Variants in SHROOM3 observed in about 807,000 individuals in gnomAD.
SHROOM3 encodes shroom family member 3.
A neutral mutation model predicts 138.6 loss-of-function variants in SHROOM3; 47 were observed. That is an observed-to-expected ratio of 0.34 (90% CI 0.27 to 0.43). The LOEUF is 0.43. Among genes scored for constraint, SHROOM3 ranks in the 20% least tolerant of loss-of-function variants. The pLI, the probability that SHROOM3 is intolerant of heterozygous loss-of-function variation, is 1.00. For missense variants in SHROOM3, 2,491 were observed against 2,596.5 expected, an observed-to-expected ratio of 0.96 and a Z score of 0.88; for synonymous variants, 1,062 against 1,063.3, an observed-to-expected ratio of 1.00 and a Z score of 0.02.
chr4:76,774,762 G>A (rs548667618), intron 10 of SHROOM3, among the ~76,000 whole-genome samples: 1 of 149,492 alleles, frequency 6.7e-6, no homozygotes, highest in Admixed American at 6.7e-5. Flanking sequence ...TTAGGGAAAG[G>A]AAACTTATGC....
At chr4:76,696,981 A>G (rs1036928827) in intron 2 of SHROOM3, among the ~76,000 whole-genome samples, 1 of 152,056 alleles carries the variant, frequency 6.6e-6, no homozygotes, top group Non-Finnish European at 1.5e-5. Flanking sequence ...CAGTGGTGCA[A>G]TCATATCTCA....
At chr4:76,503,365 A>T (rs185699148) in intron 1 of SHROOM3, among the ~76,000 whole-genome samples, 183 of 152,106 alleles carry the variant, frequency 1.2e-3, no homozygotes, top group African/African-American at 4.2e-3. Context: ...ATTTATTCCT[A>T]TGTGTTCGAT....
chr4:76,608,585 CATA>C (rs1734678315), intron 2 of SHROOM3, among the ~76,000 whole-genome samples: 8 of 100,776 alleles, frequency 7.9e-5, no homozygotes, highest in African/African-American at 2.1e-4. Context: ...CATAGCATAG[CATA>C]GCATAGCATA....
chr4:76,498,281 A>T (rs1732011568), intron 1 of SHROOM3, among the ~76,000 whole-genome samples: 1 of 152,170 alleles, frequency 6.6e-6, no homozygotes, highest in Non-Finnish European at 1.5e-5. Flanking sequence ...AATTGTCATG[A>T]TGTATGCGTA....
In SHROOM3 at chr4:76,567,932, A is replaced by G. The variant is rs11941625; in HGVS notation, c.323+12169A>G. ...AACTAAATTAAAAATCTCCTCAATT[A>G]TCCCCTCTGACTTGCTCCCTCACTT... On this transcript the variant is annotated intron_variant, in intron 2 of 10. Coordinates refer to ENST00000296043, the MANE Select transcript of SHROOM3 (RefSeq NM_020859.4). 1.7e-3 allele frequency among the ~76,000 whole-genome samples: 256 copies of G among 151,972 alleles called. 1 individual carries two copies. The highest frequency in any genetic ancestry group is 5.9e-3 in the African/African-American group (246 of 41,442).
rs114867862 is a variant in SHROOM3 at position 76,534,057 on chromosome 4, C to T, written c.169-21552C>T. Among the ~76,000 whole-genome samples the T allele has an allele frequency of 9.7e-3, 1,470 of 152,174 alleles. 14 individuals are homozygous for T. The highest frequency in any genetic ancestry group is 0.048 in the Middle Eastern group (14 of 294). On this transcript the variant is annotated intron_variant, in intron 1 of 10. Transcript: ENST00000296043. ...GTCTATGGCATGAAATTCAGAGACT[C>T]GGGGGTCCAATAAAGAGATTATGTA...
chr4:76,768,338 G>A (rs777642166), intron 9 of SHROOM3, among the ~76,000 whole-genome samples: 3 of 152,190 alleles, frequency 2.0e-5, no homozygotes, highest in Non-Finnish European at 4.4e-5. Flanking sequence ...CAGGCATTTT[G>A]CTGGAGGTAT....
intron 2 of SHROOM3, among the ~76,000 whole-genome samples, chr4:76,672,195 C>A (rs1490921186): frequency 2.0e-5 from 3 of 152,054 alleles, no homozygotes; most frequent in Non-Finnish European, 2.9e-5. Flanking sequence ...ATTTTCCGTT[C>A]TAATTCTATA....
intron 2 of SHROOM3, among the ~76,000 whole-genome samples, chr4:76,556,153 C>G (rs1183664365): frequency 6.6e-6 from 1 of 152,202 alleles, no homozygotes; most frequent in African/African-American, 2.4e-5. Flanking sequence ...ATTTTGGGAA[C>G]CACACCTGCA....
At chr4:76,522,385 G>T (rs1467517728) in intron 1 of SHROOM3, among the ~76,000 whole-genome samples, 1 of 151,460 alleles carries the variant, frequency 6.6e-6, no homozygotes, top group Non-Finnish European at 1.5e-5. Flanking sequence ...ACATAATAAG[G>T]CATTAAGAGG....
intron 1 of SHROOM3, among the ~76,000 whole-genome samples, chr4:76,521,191 G>A (rs1470060148): frequency 1.3e-5 from 2 of 152,084 alleles, no homozygotes; most frequent in African/African-American, 4.8e-5. Flanking sequence ...AAACACTGAC[G>A]TGATTAAATA....
chr4:76,471,752 T>C (rs532303621), intron 1 of SHROOM3, among the ~76,000 whole-genome samples: 1 of 152,290 alleles, frequency 6.6e-6, no homozygotes, highest in South Asian at 2.1e-4. Flanking sequence ...TTTTGAACAC[T>C]TACTGCTCCC....
chr4:76,449,382 T>C (rs914647053), intron 1 of SHROOM3, among the ~76,000 whole-genome samples: 9 of 152,168 alleles, frequency 5.9e-5, no homozygotes, highest in African/African-American at 2.2e-4. Flanking sequence ...GACAATATAA[T>C]GTGGTAATGG....
intron 2 of SHROOM3, among the ~76,000 whole-genome samples, chr4:76,604,895 A>T (rs1269684740): frequency 1.3e-5 from 2 of 152,220 alleles, no homozygotes; most frequent in Admixed American, 6.5e-5. Context: ...TTATCTATGA[A>T]ACCAAAAATG....
intron 2 of SHROOM3, among the ~76,000 whole-genome samples, chr4:76,624,748 G>T (rs933055110): frequency 6.6e-6 from 1 of 152,180 alleles, no homozygotes; most frequent in Non-Finnish European, 1.5e-5. Context: ...TGTATATGTT[G>T]CATATTCCAG....
intron 2 of SHROOM3, chr4:76,689,620 G>C (rs1475827575): frequency 1.0e-6 from 1 of 985,312 alleles, no homozygotes; most frequent in Non-Finnish European, 1.2e-6. Flanking sequence ...CCGCCTCCTC[G>C]GAGCGGCGGC....
At chr4:76,659,987 G>A (rs1283085567) in intron 2 of SHROOM3, among the ~76,000 whole-genome samples, 1 of 152,126 alleles carries the variant, frequency 6.6e-6, no homozygotes, top group Non-Finnish European at 1.5e-5. Context: ...GCTGCGCAGG[G>A]GTATTCCCAG....
chr4:76,439,916 C>T (rs1009187456), intron 1 of SHROOM3, among the ~76,000 whole-genome samples: 1 of 152,148 alleles, frequency 6.6e-6, no homozygotes, highest in Admixed American at 6.5e-5. Flanking sequence ...TTGTGGAAAG[C>T]GCCTCTGTAA....
At chr4:76,671,780 A>C (rs1472635520) in intron 2 of SHROOM3, among the ~76,000 whole-genome samples, 1 of 152,234 alleles carries the variant, frequency 6.6e-6, no homozygotes, top group Non-Finnish European at 1.5e-5. Flanking sequence ...ATACAGGTTA[A>C]GTATCTCTTA....
Sources: gnomAD v4.1 joint callset for allele counts (sites outside exome capture counted in the v4.1 genomes callset) on GRCh38, gnomAD v4.1.1 for gene constraint, MANE v1.5 for transcripts, NCBI Gene and HGNC (gene_info 2026-07-23, HGNC 2026-07-21) for gene names.